The following ASXL2 variants were observed in gnomAD, a reference collection of about 807,000 sequenced individuals.
ASXL2 encodes ASXL transcriptional regulator 2.
A neutral mutation model predicts 122.0 loss-of-function variants in ASXL2; 23 were observed. The ratio of observed to expected loss-of-function variants is 0.19; its 90% CI spans 0.14 to 0.27. The LOEUF (loss-of-function observed/expected upper bound fraction) is 0.27, where lower values mean the gene tolerates loss of function less well. Among genes scored for constraint, ASXL2 ranks in the 10% least tolerant of loss-of-function variants. ASXL2 has a pLI of 1.00. For synonymous variants in ASXL2, 650 were observed against 637.0 expected (o/e 1.02, Z -0.31); for missense variants, 1,518 against 1,713.8 (o/e 0.89, Z 2.02).
At chr2:25,749,253 T>C (rs1308690717) in intron 12 of ASXL2, among the ~76,000 whole-genome samples, 2 of 152,212 alleles carry the variant, frequency 1.3e-5, no homozygotes, top group African/African-American at 4.8e-5. Flanking sequence ...GGGATTGTGA[T>C]CAACTCTTCT....
At chr2:25,819,638 C>T (rs2089282610) in intron 3 of ASXL2, among the ~76,000 whole-genome samples, 1 of 151,950 alleles carries the variant, frequency 6.6e-6, no homozygotes, top group South Asian at 2.1e-4. Flanking sequence ...AAACAGCTGG[C>T]CTGCACTAAA....
rs2090028986 is a variant in ASXL2 at position 25,878,414 on chromosome 2, C to T, written c.-192G>A. 5.0e-6 allele frequency: 3 copies of T among 603,690 alleles called. No individual in the cohort carries two copies. The East Asian group carries it at 8.4e-5, about 17-fold the overall frequency. The allele number at this position is 603,690 out of a possible 1,614,324, so 37.4% of individuals were successfully genotyped here. A position where few individuals can be genotyped will look rare whatever the true frequency, so the allele number is the denominator to read the frequency against. On this transcript the variant is annotated 5_prime_UTR_variant, in exon 1 of 13. Coordinates refer to ENST00000435504, the MANE Select transcript of ASXL2 (RefSeq NM_018263.6). ...GGGGGTCTATGGGGCGGCCGGTCCT[C>T]TTGCTGCCGTTGCCACTGCTACCGC...
Position 25,742,967 on chromosome 2 carries a change from A to G in ASXL2, c.3370T>C (p.Tyr1124His). The G allele has an allele frequency of 6.2e-7, 1 of 1,614,060 alleles. No individual in the cohort carries two copies. The highest frequency in any genetic ancestry group is 2.2e-5 in the East Asian group (1 of 44,884). ...CCGTAGGTAGAAATATTCAGTAAGTAGTGCCCTGCCATTGCAGGTTTGGAT... is the reference window on the plus strand; with the variant it reads ...CCGTAGGTAGAAATATTCAGTAAGTGGTGCCCTGCCATTGCAGGTTTGGAT... ...RTSKPAMAGHYLLNISTYGRG... is the reference protein window; with the variant it reads ...RTSKPAMAGHHLLNISTYGRG... The change falls in exon 13 of 13, where the codon TAC (tyrosine) becomes CAC (histidine). Residue 1124 changes from tyrosine (Y) to histidine (H), a missense_variant. Physicochemically the swap from Tyr to His is moderately conservative, Grantham distance 83. Coordinates refer to ENST00000435504, the MANE Select transcript of ASXL2 (RefSeq NM_018263.6).
chr2:25,799,993 CAAA>C (rs563216355), intron 4 of ASXL2, among the ~76,000 whole-genome samples: 1 of 98,302 alleles, frequency 1.0e-5, no homozygotes, highest in African/African-American at 3.7e-5. Context: ...AAAAAAAATG[CAAA>C]AAAAAAAAAA....
chr2:25,845,201 G>A, intron 2 of ASXL2: 1 of 390,232 alleles, frequency 2.6e-6, no homozygotes, highest in African/African-American at 2.1e-5. Flanking sequence ...TAAAGAGACA[G>A]ATGAAGGCTT....
At chr2:25,867,636 T>C (rs1334032917) in intron 1 of ASXL2, among the ~76,000 whole-genome samples, 2 of 152,138 alleles carry the variant, frequency 1.3e-5, no homozygotes, top group East Asian at 3.8e-4. Flanking sequence ...TATTATCTCC[T>C]GCCTAAAAAT....
intron 4 of ASXL2, 71 bp downstream of exon 4, chr2:25,806,158 A>G: frequency 1.1e-6 from 1 of 942,992 alleles, no homozygotes; most frequent in Non-Finnish European, 1.6e-6. Flanking sequence ...TTCTGTCCCT[A>G]CGAGTCAAAT....
At chr2:25,853,947 G>A (rs1458304224) in intron 1 of ASXL2, among the ~76,000 whole-genome samples, 1 of 152,068 alleles carries the variant, frequency 6.6e-6, no homozygotes, top group East Asian at 1.9e-4. Flanking sequence ...AAGGATAAAA[G>A]GTGAGGGAAA....
intron 3 of ASXL2, among the ~76,000 whole-genome samples, chr2:25,824,752 T>A (rs58975501): frequency 2.6e-5 from 4 of 152,312 alleles, no homozygotes; most frequent in Non-Finnish European, 4.4e-5. Flanking sequence ...TGTATTTTTT[T>A]AAAAAGAGAT....
In ASXL2 at chr2:25,736,467, A is replaced by G. The variant is rs987741112; in HGVS notation, c.*5562T>C. 6.6e-6 allele frequency: 1 copy of G among 152,224 alleles called. No homozygotes were observed. The highest frequency in any genetic ancestry group is 1.5e-5 in the Non-Finnish European group (1 of 68,042). 9.4% of individuals were successfully genotyped at this position (152,224 alleles called of 1,614,324 possible). A position where few individuals can be genotyped will look rare whatever the true frequency, so the allele number is the denominator to read the frequency against. ...ATTCTTATTATATATGGAAATTATG[A>G]AGATGCTAATGTCCCCTGAGACTTA... On this transcript the variant is annotated 3_prime_UTR_variant, in exon 13 of 13. Transcript: ENST00000435504.
intron 2 of ASXL2, among the ~76,000 whole-genome samples, chr2:25,837,087 G>C (rs1574440973): frequency 2.9e-5 from 1 of 34,058 alleles, no homozygotes; most frequent in South Asian, 1.5e-3. Flanking sequence ...AGGGGGGTGG[G>C]GGGGGGGGGC....
chr2:25,830,940 G>C (rs554536596), intron 3 of ASXL2: 3 of 152,232 alleles, frequency 2.0e-5, no homozygotes, highest in South Asian at 2.1e-4. Flanking sequence ...GAATCTCAAG[G>C]CATTGTGAGA....
chr2:25,815,606 T>A (rs1461642186), intron 3 of ASXL2, among the ~76,000 whole-genome samples: 1 of 152,158 alleles, frequency 6.6e-6, no homozygotes, highest in Non-Finnish European at 1.5e-5. Context: ...GTAGAATCTT[T>A]CTTCTCTTCT....
intron 5 of ASXL2, among the ~76,000 whole-genome samples, chr2:25,794,063 T>A (rs148357952): frequency 6.6e-6 from 1 of 152,194 alleles, no homozygotes; most frequent in African/African-American, 2.4e-5. Flanking sequence ...AAAGGAGACA[T>A]AATCATACCC....
chr2:25,826,336 A>G (rs868314214), intron 3 of ASXL2, among the ~76,000 whole-genome samples: 6 of 152,178 alleles, frequency 3.9e-5, no homozygotes, highest in Admixed American at 6.5e-5. Context: ...CCTGAAGTCT[A>G]CTCCTTTCCA....
At chr2:25,797,933 T>C (rs975689553) in intron 5 of ASXL2, among the ~76,000 whole-genome samples, 2 of 152,214 alleles carry the variant, frequency 1.3e-5, no homozygotes, top group Non-Finnish European at 2.9e-5. Context: ...AATCTGCACA[T>C]AGATGTTTAA....
chr2:25,775,690 A>G (rs1313379079), intron 5 of ASXL2, among the ~76,000 whole-genome samples: 1 of 152,140 alleles, frequency 6.6e-6, no homozygotes, highest in Non-Finnish European at 1.5e-5. Flanking sequence ...CTCCCCAGCC[A>G]TGTGGAACTA....
chr2:25,800,776 A>T (rs2088986671), intron 4 of ASXL2, among the ~76,000 whole-genome samples: 1 of 152,238 alleles, frequency 6.6e-6, no homozygotes, highest in Non-Finnish European at 1.5e-5. Context: ...TTAAAAGATC[A>T]TTCTTCAATT....
rs80242801 is a variant in ASXL2 at position 25,768,462 on chromosome 2, C to A, written c.631+280G>T. 8.4e-3 allele frequency among the ~76,000 whole-genome samples: 1,284 copies of A among 152,234 alleles called. 10 individuals are homozygous for A. Among genetic ancestry groups the A allele is most frequent in the African/African-American group, 0.03 (1,251 of 41,530 alleles). ...GGGGCTACAGGTGTGCCCCACCACA[C>A]CCGGCTAATTTTCTGTGTTGTTGTT... is the stretch of plus-strand genomic sequence containing the variant. On this transcript the variant is annotated intron_variant, in intron 7 of 12. Transcript: ENST00000435504.
Sources: allele counts gnomAD v4.1 joint callset (sites outside exome capture counted in the v4.1 genomes callset), GRCh38; gene constraint gnomAD v4.1.1; transcripts MANE v1.5; gene names NCBI Gene and HGNC (gene_info 2026-07-23, HGNC 2026-07-21).